Variants in HECW1 observed in about 807,000 individuals in gnomAD.
HECW1 encodes the protein E3 ubiquitin-protein ligase HECW1.
In HECW1, 61 loss-of-function variants were observed where a neutral mutation model predicts 182.3. The ratio of observed to expected loss-of-function variants is 0.33; its 90% CI spans 0.27 to 0.41. The LOEUF (loss-of-function observed/expected upper bound fraction) is 0.41, where lower values mean the gene tolerates loss of function less well. Among genes scored for constraint, HECW1 ranks in the 10% least tolerant of loss-of-function variants. HECW1 has a pLI of 1.00. For missense variants in HECW1, 1,739 were observed against 2,108.9 expected, an observed-to-expected ratio of 0.82 and a Z score of 3.44; for synonymous variants, 859 against 832.6, an observed-to-expected ratio of 1.03 and a Z score of -0.55.
chr7:43,271,839 G>GA lies in HECW1; in HGVS notation c.27+27913dup, dbSNP rs202063581. Among the ~76,000 whole-genome samples, 1,449 of 152,062 alleles carry GA rather than the reference G, an allele frequency of 9.5e-3. 29 individuals are homozygous for GA. Among genetic ancestry groups the GA allele is most frequent in the African/African-American group, 0.033 (1,367 of 41,474 alleles). On this transcript the variant is annotated intron_variant, in intron 3 of 29. Coordinates refer to ENST00000395891, the MANE Select transcript of HECW1 (RefSeq NM_015052.5). ...ATCAGTGTCATTTTTTACAGAATTGGAAAAAACTATGTTAAAATTCATATG... is the reference window on the plus strand; with the variant it reads ...ATCAGTGTCATTTTTTACAGAATTGGAAAAAAACTATGTTAAAATTCATATG...
intron 24 of HECW1, among the ~76,000 whole-genome samples, chr7:43,534,272 A>G (rs2152949457): frequency 6.6e-6 from 1 of 152,320 alleles, no homozygotes; most frequent in Middle Eastern, 3.4e-3. Flanking sequence ...GCCTGTAAAT[A>G]AGAGATTCCT....
chr7:43,149,942 T>C (rs1379463724), intron 2 of HECW1, among the ~76,000 whole-genome samples: 1 of 152,200 alleles, frequency 6.6e-6, no homozygotes, highest in Non-Finnish European at 1.5e-5. Flanking sequence ...GTCATAGATA[T>C]CTTTTGGCAT....
intron 19 of HECW1, among the ~76,000 whole-genome samples, chr7:43,497,553 T>C (rs1156953711): frequency 6.6e-6 from 1 of 152,092 alleles, no homozygotes; most frequent in Non-Finnish European, 1.5e-5. Flanking sequence ...GATGCAATGT[T>C]TAGGCAGCTC....
At chr7:43,520,550 A>G (rs1349362741) in intron 24 of HECW1, among the ~76,000 whole-genome samples, 2 of 152,184 alleles carry the variant, frequency 1.3e-5, no homozygotes, top group Non-Finnish European at 2.9e-5. Context: ...AATACTGTGT[A>G]GTTCATTCAT....
chr7:43,186,053 G>A (rs1793366792), intron 2 of HECW1, among the ~76,000 whole-genome samples: 1 of 152,130 alleles, frequency 6.6e-6, no homozygotes, highest in African/African-American at 2.4e-5. Flanking sequence ...TGGATAACAG[G>A]TGGTTTCCAG....
At chr7:43,207,792 G>C (rs1331114200) in intron 2 of HECW1, 2 of 152,168 alleles carry the variant, frequency 1.3e-5, no homozygotes, top group East Asian at 3.8e-4. Flanking sequence ...AGTTTGGCTT[G>C]TCATCTCGTG....
At chr7:43,560,194 A>G (rs1316891012) in intron 29 of HECW1, among the ~76,000 whole-genome samples, 1 of 152,186 alleles carries the variant, frequency 6.6e-6, no homozygotes, top group African/African-American at 2.4e-5. Flanking sequence ...TTTCATTGCA[A>G]TCTTTTTAAC....
chr7:43,483,525 C>G (rs943095533), intron 17 of HECW1, among the ~76,000 whole-genome samples: 1 of 150,618 alleles, frequency 6.6e-6, no homozygotes, highest in Non-Finnish European at 1.5e-5. Flanking sequence ...CTCAGGTTTC[C>G]TAACAGTCAT....
chr7:43,382,831 G>A (rs933064583), intron 6 of HECW1, among the ~76,000 whole-genome samples: 1 of 152,092 alleles, frequency 6.6e-6, no homozygotes, highest in Non-Finnish European at 1.5e-5. Flanking sequence ...TGTTACATAG[G>A]TATACATGTG....
At chr7:43,138,983 T>TTTTGTTTGTTTG (rs562386632) in intron 2 of HECW1, among the ~76,000 whole-genome samples, 2 of 152,342 alleles carry the variant, frequency 1.3e-5, no homozygotes, top group African/African-American at 4.8e-5. Flanking sequence ...AGACTGGTTT[T>TTTTGTTTGTTTG]TTTGTTTGTT....
chr7:43,555,771 C>G (rs990545274), intron 29 of HECW1, among the ~76,000 whole-genome samples: 8 of 152,212 alleles, frequency 5.3e-5, no homozygotes, highest in Admixed American at 3.3e-4. Flanking sequence ...TCAGCCCTGG[C>G]TTCACCCACT....
At chr7:43,309,172 T>C (rs1808178595) in intron 3 of HECW1, among the ~76,000 whole-genome samples, 1 of 152,056 alleles carries the variant, frequency 6.6e-6, no homozygotes, top group Non-Finnish European at 1.5e-5. Context: ...AAAGTTCCAC[T>C]CTTGGGAATG....
intron 21 of HECW1, among the ~76,000 whole-genome samples, chr7:43,504,924 A>G (rs1585116067): frequency 6.6e-6 from 1 of 152,032 alleles, no homozygotes; most frequent in South Asian, 2.1e-4. Context: ...GTCGCCATGA[A>G]CTCTGGCCAC....
chr7:43,457,322 G>GTCA (rs1194339860), intron 13 of HECW1, among the ~76,000 whole-genome samples: 3 of 152,192 alleles, frequency 2.0e-5, no homozygotes, highest in Non-Finnish European at 4.4e-5. Flanking sequence ...TTGCTTTCAT[G>GTCA]TCAAGTATGA....
At chr7:43,386,601 GC>G (rs796456996) in intron 6 of HECW1, among the ~76,000 whole-genome samples, 3 of 152,016 alleles carry the variant, frequency 2.0e-5, no homozygotes, top group Non-Finnish European at 2.9e-5. Flanking sequence ...AGATGTTCCT[GC>G]CCCCCCTGCA....
chr7:43,214,009 T>C (rs1479913501), intron 2 of HECW1, among the ~76,000 whole-genome samples: 2 of 152,070 alleles, frequency 1.3e-5, no homozygotes, highest in African/African-American at 4.8e-5. Context: ...TTTAGAGACC[T>C]TTATTTTAAT....
intron 3 of HECW1, among the ~76,000 whole-genome samples, chr7:43,310,812 T>C (rs1283879978): frequency 1.3e-5 from 2 of 152,218 alleles, no homozygotes; most frequent in African/African-American, 4.8e-5. Context: ...GAGTCAACAC[T>C]TTTTTAGGCC....
chr7:43,189,951 G>A (rs1238445328), intron 2 of HECW1, among the ~76,000 whole-genome samples: 2 of 152,198 alleles, frequency 1.3e-5, no homozygotes, highest in Non-Finnish European at 2.9e-5. Context: ...CTAAGAAGGG[G>A]AAGGTTAGTA....
chr7:43,304,456 ACAGT>A (rs1214174515), intron 3 of HECW1, among the ~76,000 whole-genome samples: 7 of 146,814 alleles, frequency 4.8e-5, no homozygotes, highest in African/African-American at 1.8e-4. Flanking sequence ...TTCATTCAAC[ACAGT>A]TATTTATTTA....
Sources: allele counts gnomAD v4.1 joint callset (sites outside exome capture counted in the v4.1 genomes callset), GRCh38; gene constraint gnomAD v4.1.1; transcripts MANE v1.5; gene names NCBI Gene and HGNC (gene_info 2026-07-23, HGNC 2026-07-21).